NAALADL2: variants seen among roughly 807,000 people sequenced by gnomAD.
The protein encoded by NAALADL2 is N-acetylated alpha-linked acidic dipeptidase like 2.
Under a neutral mutation model 87.2 loss-of-function variants are expected in NAALADL2, and 76 were observed. That is an observed-to-expected ratio of 0.87 (90% confidence interval 0.72 to 1.05). NAALADL2 has a LOEUF of 1.05. NAALADL2 is among the 50% of genes least tolerant of loss of function. The pLI is 0.00. For synonymous variants in NAALADL2, 354 were observed against 331.0 expected (o/e 1.07, Z -0.75); for missense variants, 1,089 against 945.8 (o/e 1.15, Z -1.99).
intron 2 of NAALADL2, among the ~76,000 whole-genome samples, chr3:175,179,651 T>G (rs997952381): frequency 2.0e-5 from 3 of 152,034 alleles, no homozygotes; most frequent in Non-Finnish European, 1.5e-5. Context: ...GTAGGTTCCA[T>G]AGACATGGGT....
chr3:175,667,245 G>GAA (rs1242433524), intron 11 of NAALADL2, among the ~76,000 whole-genome samples: 47 of 122,462 alleles, frequency 3.8e-4, no homozygotes, highest in Middle Eastern at 4.5e-3. Flanking sequence ...GAAAGAAAAA[G>GAA]AAAGAAAGAA....
At chr3:174,738,225 A>G (rs1456904681) in intron 3 of NAALADL2, among the ~76,000 whole-genome samples, 1 of 152,180 alleles carries the variant, frequency 6.6e-6, no homozygotes, top group African/African-American at 2.4e-5. Context: ...ACGGCCATAT[A>G]TAGACTGTGA....
chr3:174,681,553 C>A (rs1467115324), intron 2 of NAALADL2, among the ~76,000 whole-genome samples: 1 of 152,128 alleles, frequency 6.6e-6, no homozygotes, highest in Non-Finnish European at 1.5e-5. Flanking sequence ...CCATTCCAGG[C>A]TGTAGATCCT....
chr3:175,414,454 A>G (rs1226449819), intron 5 of NAALADL2, among the ~76,000 whole-genome samples: 1 of 152,220 alleles, frequency 6.6e-6, no homozygotes, highest in African/African-American at 2.4e-5. Flanking sequence ...ACTGATCTAT[A>G]TACTTTTTAC....
At chr3:175,039,113 C>T (rs553878750) in intron 1 of NAALADL2, among the ~76,000 whole-genome samples, 1 of 152,050 alleles carries the variant, frequency 6.6e-6, no homozygotes, top group Non-Finnish European at 1.5e-5. Flanking sequence ...AATATGTTTT[C>T]TTTCCTTATC....
In NAALADL2 at chr3:175,447,344, G is replaced by A. The variant is rs772833242; in HGVS notation, c.1206G>A (p.Ala402=). 97 of 1,593,298 alleles carry A rather than the reference G, an allele frequency of 6.1e-5. No individual in the cohort carries two copies. The highest frequency in any genetic ancestry group is 7.1e-5 in the Admixed American group (4 of 56,292). Residue 402 remains alanine, a synonymous_variant, in exon 6 of 14, where the codon GCG becomes GCA. Transcript: ENST00000454872. ...SSPKARTKNE[A]CSSLELPNNE... The stretch of plus-strand genomic sequence containing the variant: ...CAAAAGCTAGAACCAAAAATGAAGC[G>A]TGTAGCTCTCTAGAGCTTCCAAATA...
At chr3:175,165,062 G>T (rs1733785636) in intron 2 of NAALADL2, among the ~76,000 whole-genome samples, 1 of 152,134 alleles carries the variant, frequency 6.6e-6, no homozygotes, top group African/African-American at 2.4e-5. Context: ...AGGGGTGAAT[G>T]TGCTATATCT....
chr3:174,798,889 G>T (rs750043651), intron 3 of NAALADL2, among the ~76,000 whole-genome samples: 18 of 151,894 alleles, frequency 1.2e-4, no homozygotes, highest in Non-Finnish European at 2.2e-4. Context: ...TTTTTCTTAA[G>T]CCAGGAGTGG....
At chr3:175,065,263 G>A (rs938478494) in intron 1 of NAALADL2, among the ~76,000 whole-genome samples, 3 of 152,054 alleles carry the variant, frequency 2.0e-5, no homozygotes, top group African/African-American at 4.8e-5. Context: ...TTCTATTGTC[G>A]TCGGGACTCC....
At chr3:174,775,192 GTTT>G (rs949103432) in intron 3 of NAALADL2, among the ~76,000 whole-genome samples, 2 of 151,810 alleles carry the variant, frequency 1.3e-5, no homozygotes, top group Non-Finnish European at 2.9e-5. Flanking sequence ...CAGTTCAGTG[GTTT>G]TTATTATATT....
chr3:175,748,991 T>C (rs2150117944), intron 12 of NAALADL2, among the ~76,000 whole-genome samples: 1 of 151,314 alleles, frequency 6.6e-6, no homozygotes, highest in Non-Finnish European at 1.5e-5. Context: ...CCTTTGGCTG[T>C]AGATACTTGG....
In NAALADL2 at chr3:175,234,727, G is replaced by GTTT. The variant is rs10646382; in HGVS notation, c.819+532_819+534dup. ...TCTGGGTCAGCAGATTTATGATGCA[G>GTTT]TTTTTTTTTTTGGCATTGTGGTTAA... On this transcript the variant is annotated intron_variant, in intron 3 of 13. Coordinates refer to ENST00000454872, the MANE Select transcript of NAALADL2 (RefSeq NM_207015.3). The GTTT allele has an allele frequency of 8.4e-3, 1,256 of 149,384 alleles. 5 individuals carry two copies. Among genetic ancestry groups the GTTT allele is most frequent in the Middle Eastern group, 0.017 (5 of 292 alleles). 9.3% of individuals were successfully genotyped at this position (149,384 alleles called of 1,614,324 possible). A position where few individuals can be genotyped will look rare whatever the true frequency, so the allele number is the denominator to read the frequency against.
At chr3:174,905,314 G>C (rs991833293) in intron 1 of NAALADL2, among the ~76,000 whole-genome samples, 1 of 151,824 alleles carries the variant, frequency 6.6e-6, no homozygotes, top group East Asian at 1.9e-4. Context: ...ATCATATATT[G>C]CTTAATTTGG....
intron 1 of NAALADL2, among the ~76,000 whole-genome samples, chr3:174,496,510 TTATA>T (rs5854577): frequency 0.22 from 31,916 of 145,592 alleles, 3,622 homozygotes; most frequent in Middle Eastern, 0.28. Flanking sequence ...TATTTATATA[TTATA>T]TATATATATA....
intron 12 of NAALADL2, among the ~76,000 whole-genome samples, chr3:175,751,132 TTTA>T (rs1395754988): frequency 2.6e-5 from 4 of 152,130 alleles, no homozygotes; most frequent in African/African-American, 4.8e-5. Context: ...ACTATAAAAA[TTTA>T]TTAATGGTTA....
At chr3:175,017,187 T>C (rs978227112) in intron 1 of NAALADL2, among the ~76,000 whole-genome samples, 2 of 152,022 alleles carry the variant, frequency 1.3e-5, no homozygotes, top group African/African-American at 4.8e-5. Context: ...TTCCCTCACA[T>C]TGCTTTTCAT....
chr3:175,263,878 A>G (rs1751506222), intron 4 of NAALADL2, among the ~76,000 whole-genome samples: 1 of 151,718 alleles, frequency 6.6e-6, no homozygotes, highest in Admixed American at 6.6e-5. Context: ...TAAAACAGTA[A>G]GCTCTAGCTA....
intron 11 of NAALADL2, among the ~76,000 whole-genome samples, chr3:175,704,337 T>G (rs1393143918): frequency 1.3e-5 from 2 of 152,204 alleles, no homozygotes; most frequent in Non-Finnish European, 2.9e-5. Context: ...TCTGTAATGT[T>G]TATTCCTATT....
chr3:175,762,044 T>G (rs1005956644), intron 13 of NAALADL2, among the ~76,000 whole-genome samples: 5 of 152,190 alleles, frequency 3.3e-5, no homozygotes, highest in Non-Finnish European at 4.4e-5. Context: ...GCTTTTTGTG[T>G]CATACCTCAA....
Sources: gnomAD v4.1 joint callset for allele counts (sites outside exome capture counted in the v4.1 genomes callset) on GRCh38, gnomAD v4.1.1 for gene constraint, MANE v1.5 for transcripts, NCBI Gene and HGNC (gene_info 2026-07-23, HGNC 2026-07-21) for gene names.